ATP8A2: variants seen among roughly 807,000 people sequenced by gnomAD.
The protein encoded by ATP8A2 is ATPase phospholipid transporting 8A2.
Under a neutral mutation model 165.6 loss-of-function variants are expected in ATP8A2, and 100 were observed. That is an observed-to-expected ratio of 0.60 (90% CI 0.51 to 0.71). ATP8A2 has a LOEUF of 0.71. Among genes scored for constraint, ATP8A2 ranks in the 30% least tolerant of loss-of-function variants. ATP8A2 has a pLI of 0.00. For missense variants in ATP8A2, 1,227 were observed against 1,479.5 expected (o/e 0.83, Z 2.80); for synonymous variants, 543 against 548.8 (o/e 0.99, Z 0.15).
In ATP8A2 at chr13:25,433,376, G is replaced by C. The variant is rs149859355; in HGVS notation, c.77-35601G>C. Among the ~76,000 whole-genome samples the C allele has an allele frequency of 8.5e-5, 13 of 152,224 alleles. No homozygotes were observed. The East Asian group carries it at 2.5e-3, about 29-fold the overall frequency. ...CAGCCTTGAATTCCTGGGCTCAACT[G>C]ATCTTCTCACCTCAGCTTCCCAAGT... On this transcript the variant is annotated intron_variant, in intron 1 of 36. Coordinates refer to ENST00000381655, the MANE Select transcript of ATP8A2 (RefSeq NM_016529.6).
chr13:25,679,892 G>A (rs531107946), intron 24 of ATP8A2, among the ~76,000 whole-genome samples: 1 of 152,154 alleles, frequency 6.6e-6, no homozygotes, highest in Admixed American at 6.5e-5. Context: ...AGGAGGTCAA[G>A]GGGATTAAGA....
chr13:26,001,596 G>A (rs572976697), intron 35 of ATP8A2, among the ~76,000 whole-genome samples: 1 of 152,250 alleles, frequency 6.6e-6, no homozygotes, highest in Admixed American at 6.5e-5. Context: ...TCTCATGGTA[G>A]TTTTGATTTG....
At position 25,986,956 on chromosome 13, in the gene ATP8A2, G is replaced by A. The variant is rs78383215; in HGVS notation, c.3377+18277G>A. Among the ~76,000 whole-genome samples, 969 of 152,296 alleles carry A rather than the reference G, an allele frequency of 6.4e-3. 5 individuals carry two copies. The highest frequency in any genetic ancestry group is 0.027 in the Middle Eastern group (8 of 294). ...TTATCCATTCAGGAGGAACTACAGTGATCAAACACTGGAGATAAATAGTGG... is the reference window on the plus strand; with the variant it reads ...TTATCCATTCAGGAGGAACTACAGTAATCAAACACTGGAGATAAATAGTGG... On this transcript the variant is annotated intron_variant, in intron 35 of 36. Coordinates refer to ENST00000381655, the MANE Select transcript of ATP8A2 (RefSeq NM_016529.6).
At chr13:25,916,394 G>A (rs1016569224) in intron 33 of ATP8A2, among the ~76,000 whole-genome samples, 26 of 152,326 alleles carry the variant, frequency 1.7e-4, no homozygotes, top group African/African-American at 6.0e-4. Flanking sequence ...CCTTGGTGGG[G>A]ACATTCCAAA....
intron 24 of ATP8A2, among the ~76,000 whole-genome samples, chr13:25,617,391 A>G (rs1320709297): frequency 2.0e-5 from 3 of 152,134 alleles, no homozygotes; most frequent in Non-Finnish European, 4.4e-5. Flanking sequence ...TATTTTTATA[A>G]CTCAATTGAT....
intron 18 of ATP8A2, 87 bp downstream of exon 18, chr13:25,571,779 A>G: frequency 8.7e-7 from 1 of 1,151,778 alleles, no homozygotes; most frequent in Non-Finnish European, 1.3e-6. Context: ...TAAATATGAT[A>G]GCTAAATTTC....
At chr13:25,873,303 C>T (rs1291864820) in intron 33 of ATP8A2, among the ~76,000 whole-genome samples, 2 of 152,128 alleles carry the variant, frequency 1.3e-5, no homozygotes, top group Non-Finnish European at 2.9e-5. Context: ...GTTTATAAAT[C>T]AAGATTTATA....
At chr13:25,596,759 T>C (rs2040246459) in intron 24 of ATP8A2, among the ~76,000 whole-genome samples, 1 of 152,184 alleles carries the variant, frequency 6.6e-6, no homozygotes, top group African/African-American at 2.4e-5. Flanking sequence ...TGAACATCTG[T>C]TTTTGTTTTT....
chr13:25,726,643 C>T (rs576513995), intron 25 of ATP8A2, among the ~76,000 whole-genome samples: 94 of 152,228 alleles, frequency 6.2e-4, no homozygotes, highest in African/African-American at 2.0e-3. Flanking sequence ...TTCCATTTAG[C>T]GCCCACCCAA....
chr13:25,712,904 A>G (rs916381946), intron 25 of ATP8A2, among the ~76,000 whole-genome samples: 20 of 152,208 alleles, frequency 1.3e-4, no homozygotes, highest in African/African-American at 4.8e-4. Flanking sequence ...GTTTAAAACT[A>G]TGTGATTCCA....
chr13:25,400,557 A>G (rs2033604652), intron 1 of ATP8A2, among the ~76,000 whole-genome samples: 1 of 152,190 alleles, frequency 6.6e-6, no homozygotes, highest in African/African-American at 2.4e-5. Flanking sequence ...TATACACAAT[A>G]TTGTTGCTAA....
intron 1 of ATP8A2, among the ~76,000 whole-genome samples, chr13:25,437,831 A>G (rs2034821738): frequency 6.6e-6 from 1 of 152,244 alleles, no homozygotes; most frequent in South Asian, 2.1e-4. Flanking sequence ...AGAAGGAGTC[A>G]GACAAATTTT....
At chr13:25,893,209 C>A (rs1246508333) in intron 33 of ATP8A2, among the ~76,000 whole-genome samples, 11 of 114,528 alleles carry the variant, frequency 9.6e-5, no homozygotes, top group Admixed American at 2.1e-4. Flanking sequence ...CCTCCCCCCA[C>A]CCCACAACAG....
rs990613932 is a variant in ATP8A2, at chr13:25,896,283, G to A, written c.3183+33875G>A. ...ACATCTTTATTTCTGCCTTCATTTC[G>A]TTATGTACCCAGTAGTCATTCAGGA... On this transcript the variant is annotated intron_variant, in intron 33 of 36. Transcript: ENST00000381655. Among the ~76,000 whole-genome samples the A allele has an allele frequency of 4.6e-5, 7 of 152,036 alleles. No individual in the cohort carries two copies. The East Asian group carries it at 5.8e-4, about 13-fold the overall frequency.
intron 27 of ATP8A2, among the ~76,000 whole-genome samples, chr13:25,814,098 G>GAC (rs59562535): frequency 0.03 from 4,517 of 149,506 alleles, 199 homozygotes; most frequent in African/African-American, 0.099. Context: ...CACACATACA[G>GAC]ACACACACAC....
intron 25 of ATP8A2, among the ~76,000 whole-genome samples, chr13:25,732,606 C>T (rs1261009088): frequency 1.3e-5 from 2 of 152,150 alleles, no homozygotes; most frequent in African/African-American, 2.4e-5. Context: ...TTGTATTTCA[C>T]CAGAAGTGCT....
chr13:25,430,598 G>A (rs1346235401), intron 1 of ATP8A2, among the ~76,000 whole-genome samples: 1 of 151,948 alleles, frequency 6.6e-6, no homozygotes, highest in Non-Finnish European at 1.5e-5. Flanking sequence ...TGTTGTTGTT[G>A]TTTGTTTTTG....
chr13:26,010,976 C>G (rs1392228542), intron 35 of ATP8A2, among the ~76,000 whole-genome samples: 2 of 152,136 alleles, frequency 1.3e-5, no homozygotes, highest in South Asian at 2.1e-4. Context: ...GGGCCCCACT[C>G]CTCTTTCGAT....
At chr13:25,848,281 A>T (rs986550363) in intron 30 of ATP8A2, among the ~76,000 whole-genome samples, 3 of 152,376 alleles carry the variant, frequency 2.0e-5, no homozygotes, top group African/African-American at 7.2e-5. Flanking sequence ...GTACACCCTC[A>T]GCCTCAACAC....
Sources: gnomAD v4.1 joint callset for allele counts (sites outside exome capture counted in the v4.1 genomes callset) on GRCh38, gnomAD v4.1.1 for gene constraint, MANE v1.5 for transcripts, NCBI Gene and HGNC (gene_info 2026-07-23, HGNC 2026-07-21) for gene names.